UVRAG: variants seen among roughly 807,000 people sequenced by gnomAD.
UVRAG encodes the protein UV radiation resistance-associated gene protein.
In UVRAG, 19 loss-of-function variants were observed where a neutral mutation model predicts 78.0. The observed-to-expected ratio is 0.24, with a 90% CI of 0.17 to 0.36. The LOEUF is 0.36. UVRAG is among the 10% of genes least tolerant of loss of function. The pLI is 1.00. For missense variants in UVRAG, 740 were observed against 853.8 expected (o/e 0.87, Z 1.66); for synonymous variants, 323 against 324.6 (o/e 1.00, Z 0.05).
chr11:75,822,660 ACT>A (rs1433006118), intron 1 of UVRAG, among the ~76,000 whole-genome samples: 2 of 144,200 alleles, frequency 1.4e-5, no homozygotes, highest in African/African-American at 5.4e-5. Flanking sequence ...GCTTGCACTT[ACT>A]GTTTTTTTTT....
At position 75,815,251 on chromosome 11, in the gene UVRAG, A is replaced by G. The variant is rs1945231780; in HGVS notation, c.-157A>G. On this transcript the variant is annotated 5_prime_UTR_variant, in exon 1 of 15. Transcript: ENST00000356136. ...CTTAGCCAGCGGCGGCAACGGCGGC[A>G]GCGGCGGCAGCGGCGGCGGCTACTG... The G allele has an allele frequency of 2.2e-6, 1 of 453,662 alleles. No individual in the cohort carries two copies. Among genetic ancestry groups the G allele is most frequent in the Non-Finnish European group, 3.8e-6 (1 of 264,366 alleles). The allele number at this position is 453,662 out of a possible 1,614,324, so 28.1% of individuals were successfully genotyped here.
At chr11:76,095,455 T>G (rs982792365) in intron 13 of UVRAG, among the ~76,000 whole-genome samples, 1 of 151,848 alleles carries the variant, frequency 6.6e-6, no homozygotes, top group Non-Finnish European at 1.5e-5. Context: ...TAAAAAAGCA[T>G]GTTATTAAAT....
intron 13 of UVRAG, among the ~76,000 whole-genome samples, chr11:76,097,611 G>A (rs1951808236): frequency 6.6e-6 from 1 of 151,992 alleles, no homozygotes; most frequent in African/African-American, 2.4e-5. Context: ...ATTTTTAAAT[G>A]TCTTTCTATT....
chr11:76,030,470 C>T (rs985482919), intron 12 of UVRAG, among the ~76,000 whole-genome samples: 7 of 152,164 alleles, frequency 4.6e-5, no homozygotes, highest in East Asian at 3.8e-4. Context: ...TTGGAAGATA[C>T]GGGTTAGTGA....
At chr11:75,901,972 C>T (rs1947513346) in intron 5 of UVRAG, among the ~76,000 whole-genome samples, 1 of 152,146 alleles carries the variant, frequency 6.6e-6, no homozygotes, top group Non-Finnish European at 1.5e-5. Flanking sequence ...GACCCTTATC[C>T]TATTATATTC....
chr11:76,002,204 A>G (rs1321727508), intron 8 of UVRAG, among the ~76,000 whole-genome samples: 1 of 152,154 alleles, frequency 6.6e-6, no homozygotes, highest in Non-Finnish European at 1.5e-5. Flanking sequence ...GAGTATCTTC[A>G]AATACTTAGT....
At chr11:75,975,547 A>G (rs932353139) in intron 7 of UVRAG, among the ~76,000 whole-genome samples, 6 of 152,106 alleles carry the variant, frequency 3.9e-5, no homozygotes, top group Non-Finnish European at 8.8e-5. Context: ...TTTGTTGAGC[A>G]GTGGTTTGTA....
In UVRAG at chr11:75,858,511, A is replaced by C. The variant is rs561368576; in HGVS notation, c.236-3235A>C. ...CACCATAATTTATTTACTGGCTCCT[A>C]TTGGTGGACACTTAGGTTGTTCCAG... On this transcript the variant is annotated intron_variant, in intron 2 of 14. Coordinates refer to ENST00000356136, the MANE Select transcript of UVRAG (RefSeq NM_003369.4). Among the ~76,000 whole-genome samples, 7 of 152,148 alleles carry C rather than the reference A, an allele frequency of 4.6e-5. 1 individual carries two copies. The highest frequency in any genetic ancestry group is 1.7e-4 in the African/African-American group (7 of 41,492).
chr11:75,939,938 T>G (rs184591916), intron 6 of UVRAG, among the ~76,000 whole-genome samples: 4 of 152,284 alleles, frequency 2.6e-5, no homozygotes, highest in African/African-American at 4.8e-5. Flanking sequence ...GTAGGCCAAA[T>G]GGAGAAATTC....
chr11:75,894,987 A>G (rs1355123733), intron 5 of UVRAG, among the ~76,000 whole-genome samples: 1 of 152,210 alleles, frequency 6.6e-6, no homozygotes, highest in Non-Finnish European at 1.5e-5. Flanking sequence ...AATCACAATA[A>G]TTATAAATGG....
chr11:76,077,046 T>A (rs1263136165), intron 13 of UVRAG, among the ~76,000 whole-genome samples: 1 of 149,856 alleles, frequency 6.7e-6, no homozygotes, highest in Non-Finnish European at 1.5e-5. Flanking sequence ...ATTGAAAGAA[T>A]GAATGATGAA....
intron 14 of UVRAG, among the ~76,000 whole-genome samples, chr11:76,127,191 C>T (rs1952417107): frequency 6.6e-6 from 1 of 152,106 alleles, no homozygotes; most frequent in Non-Finnish European, 1.5e-5. Context: ...AACTGTCAGG[C>T]AATGAAATGT....
intron 6 of UVRAG, among the ~76,000 whole-genome samples, chr11:75,941,201 T>G (rs1948477082): frequency 1.3e-5 from 2 of 152,188 alleles, no homozygotes; most frequent in Admixed American, 1.3e-4. Flanking sequence ...CTTCTCACTT[T>G]GCTTTTATGA....
At chr11:76,016,737 T>C in intron 11 of UVRAG, 78 bp from the exon 12 acceptor site, 1 of 1,251,672 alleles carries the variant, frequency 8.0e-7, no homozygotes, top group Non-Finnish European at 1.1e-6. Flanking sequence ...TAAAATATTC[T>C]TTGAAAATTA....
At chr11:76,086,593 G>A (rs1274673097) in intron 13 of UVRAG, among the ~76,000 whole-genome samples, 1 of 152,128 alleles carries the variant, frequency 6.6e-6, no homozygotes, top group Non-Finnish European at 1.5e-5. Flanking sequence ...AAACTAAAGT[G>A]CATGTTTCAT....
intron 5 of UVRAG, among the ~76,000 whole-genome samples, chr11:75,903,743 G>T (rs1039243627): frequency 6.6e-6 from 1 of 152,160 alleles, no homozygotes; most frequent in Non-Finnish European, 1.5e-5. Context: ...CCTTCACTGG[G>T]TTGTGTTCTC....
At chr11:75,855,682 C>T (rs924917174) in intron 2 of UVRAG, among the ~76,000 whole-genome samples, 1 of 152,172 alleles carries the variant, frequency 6.6e-6, no homozygotes, top group Non-Finnish European at 1.5e-5. Context: ...ACCCATACCA[C>T]CTGTTTAGTG....
At chr11:75,879,746 GCTTA>G (rs1946896708) in intron 3 of UVRAG, 129 bp from the exon 4 acceptor site, 5 of 1,146,666 alleles carry the variant, frequency 4.4e-6, no homozygotes, top group African/African-American at 1.5e-5. Context: ...TGTCTTCTTG[GCTTA>G]CTTAAGTTTG....
chr11:76,127,413 G>A (rs1185520346), intron 14 of UVRAG, among the ~76,000 whole-genome samples: 1 of 152,130 alleles, frequency 6.6e-6, no homozygotes, highest in African/African-American at 2.4e-5. Flanking sequence ...CAGCACTTTG[G>A]GAGGCCGAGG....
Sources: allele counts gnomAD v4.1 joint callset (sites outside exome capture counted in the v4.1 genomes callset), GRCh38; gene constraint gnomAD v4.1.1; transcripts MANE v1.5; gene names NCBI Gene and HGNC (gene_info 2026-07-23, HGNC 2026-07-21).